ZDHHC13: variants seen among roughly 807,000 people sequenced by gnomAD.
ZDHHC13 encodes the protein zDHHC palmitoyltransferase 13.
In ZDHHC13, 85 loss-of-function variants were observed where a neutral mutation model predicts 86.0. That is an observed-to-expected ratio of 0.99 (90% confidence interval 0.83 to 1.18). ZDHHC13 has a LOEUF of 1.18. Ranked by LOEUF, ZDHHC13 falls within the 50% of genes most tolerant of loss-of-function variation. The pLI is 0.00. For synonymous variants in ZDHHC13, 263 were observed against 246.4 expected (o/e 1.07, Z -0.63); for missense variants, 711 against 730.2 (o/e 0.97, Z 0.30).
intron 2 of ZDHHC13, among the ~76,000 whole-genome samples, chr11:19,143,885 G>A (rs1287644309): frequency 6.6e-6 from 1 of 152,110 alleles, no homozygotes; most frequent in Non-Finnish European, 1.5e-5. Flanking sequence ...ATCCATTTTT[G>A]TAGTAATCAA....
At chr11:19,153,846 CCT>C (rs1001275585) in intron 8 of ZDHHC13, among the ~76,000 whole-genome samples, 3 of 151,900 alleles carry the variant, frequency 2.0e-5, no homozygotes, top group African/African-American at 7.3e-5. Flanking sequence ...CTCCAGCATT[CCT>C]CTGTCTTCGC....
intron 4 of ZDHHC13, chr11:19,148,478 C>A (rs1163806317): frequency 6.6e-6 from 1 of 151,540 alleles, no homozygotes; most frequent in Non-Finnish European, 1.5e-5. Context: ...CACAGTAAAC[C>A]CATAGTTTAT....
intron 1 of ZDHHC13, among the ~76,000 whole-genome samples, chr11:19,137,917 T>G (rs1345954597): frequency 2.0e-5 from 3 of 150,778 alleles, no homozygotes; most frequent in South Asian, 4.3e-4. Flanking sequence ...AAGCAGTGTG[T>G]AGAGGGAAAT....
At chr11:19,168,852 A>G in intron 14 of ZDHHC13, 6 of 985,364 alleles carry the variant, frequency 6.1e-6, no homozygotes, top group Non-Finnish European at 7.2e-6. Flanking sequence ...ATAGTAAGTG[A>G]CTCCAAAAGT....
At chr11:19,143,267 A>G (rs1241755938) in intron 2 of ZDHHC13, 144 bp downstream of exon 2, 7 of 850,336 alleles carry the variant, frequency 8.2e-6, no homozygotes, top group Non-Finnish European at 1.2e-5. Flanking sequence ...TGTCATACCA[A>G]CACCACAGTA....
At chr11:19,141,303 T>C (rs972349438) in intron 1 of ZDHHC13, among the ~76,000 whole-genome samples, 4 of 152,176 alleles carry the variant, frequency 2.6e-5, no homozygotes, top group Non-Finnish European at 1.5e-5. Flanking sequence ...TTTTAAAATG[T>C]ATTTAGAATA....
chr11:19,175,091 T>G (rs1462813858), intron 16 of ZDHHC13, among the ~76,000 whole-genome samples: 1 of 152,014 alleles, frequency 6.6e-6, no homozygotes, highest in African/African-American at 2.4e-5. Flanking sequence ...AGAGAGTTAC[T>G]TATAAGGTTT....
chr11:19,149,814 A>G (rs979430820), intron 5 of ZDHHC13, among the ~76,000 whole-genome samples: 1 of 152,212 alleles, frequency 6.6e-6, no homozygotes, highest in Non-Finnish European at 1.5e-5. Context: ...AGGTTATTGT[A>G]AGTTTCACTG....
At chr11:19,149,976 G>T (rs1239303315) in intron 5 of ZDHHC13, among the ~76,000 whole-genome samples, 1 of 152,202 alleles carries the variant, frequency 6.6e-6, no homozygotes, top group African/African-American at 2.4e-5. Context: ...AGACTTAGCT[G>T]ATTGAAGTAG....
In ZDHHC13 at chr11:19,127,987, G is replaced by A. The variant is rs116081773; in HGVS notation, c.27+10711G>A. On this transcript the variant is annotated intron_variant, in intron 1 of 16. Transcript: ENST00000446113. Reference sequence around the variant, plus strand: ...AATAGTTTTTTCCTAGTTCTGTGAAGAATGTCTTTGGTAATTTGATAGGGA... The same window carrying A: ...AATAGTTTTTTCCTAGTTCTGTGAAAAATGTCTTTGGTAATTTGATAGGGA... Among the ~76,000 whole-genome samples, 547 of 152,262 alleles carry A rather than the reference G, an allele frequency of 3.6e-3. 4 individuals carry two copies. Among genetic ancestry groups the A allele is most frequent in the African/African-American group, 0.012 (512 of 41,548 alleles).
At chr11:19,166,625 A>G in intron 14 of ZDHHC13, 1 of 320,590 alleles carries the variant, frequency 3.1e-6, no homozygotes. Context: ...CAAAAATAGA[A>G]ATTCATTTAA....
chr11:19,131,327 T>C (rs533437918), intron 1 of ZDHHC13, among the ~76,000 whole-genome samples: 2 of 152,322 alleles, frequency 1.3e-5, no homozygotes, highest in Admixed American at 1.3e-4. Flanking sequence ...TTTTTAGTGA[T>C]TTGATTATGA....
At chr11:19,173,069 C>T (rs967211687) in intron 16 of ZDHHC13, among the ~76,000 whole-genome samples, 6 of 152,122 alleles carry the variant, frequency 3.9e-5, no homozygotes, top group Non-Finnish European at 4.4e-5. Context: ...GAAGTTTTGC[C>T]AAGGTGGGGA....
At chr11:19,171,952 G>A (rs2133484291) in intron 15 of ZDHHC13, among the ~76,000 whole-genome samples, 1 of 152,196 alleles carries the variant, frequency 6.6e-6, no homozygotes, top group East Asian at 1.9e-4. Context: ...TAGGAGCATG[G>A]CTTTATTCTC....
intron 1 of ZDHHC13, among the ~76,000 whole-genome samples, chr11:19,125,594 T>A (rs553272035): frequency 6.6e-6 from 1 of 152,322 alleles, no homozygotes; most frequent in South Asian, 2.1e-4. Flanking sequence ...CCAAGCAGTC[T>A]TATTCTTAGA....
intron 1 of ZDHHC13, among the ~76,000 whole-genome samples, chr11:19,119,589 T>C (rs561431576): frequency 6.6e-6 from 1 of 152,352 alleles, no homozygotes; most frequent in African/African-American, 2.4e-5. Context: ...TATTTAAAAT[T>C]GCAAGCCTTT....
chr11:19,140,258 C>T (rs1442586337), intron 1 of ZDHHC13, among the ~76,000 whole-genome samples: 11 of 151,698 alleles, frequency 7.3e-5, no homozygotes, highest in East Asian at 3.9e-4. Flanking sequence ...GGGCAAAGGA[C>T]ATGAACAGAC....
At position 19,142,895 on chromosome 11, in the gene ZDHHC13, G is replaced by T. The variant is rs1310621123; in HGVS notation, c.28-83G>T. The T allele has an allele frequency of 2.9e-6, 4 of 1,377,000 alleles. No homozygotes were observed. The African/African-American group carries it at 4.4e-5, about 15-fold the overall frequency. 85.3% of individuals were successfully genotyped at this position (1,377,000 alleles called of 1,614,324 possible). ...AATGTAATTTATTAATATAGATATT[G>T]TTGATAGTAGCAAATGCTTCATTAT... On this transcript the variant is annotated intron_variant, in intron 1 of 16. Coordinates refer to ENST00000446113, the MANE Select transcript of ZDHHC13 (RefSeq NM_019028.3).
At chr11:19,164,491 A>T in intron 12 of ZDHHC13, 128 bp downstream of exon 12, 1 of 865,092 alleles carries the variant, frequency 1.2e-6, no homozygotes, top group Non-Finnish European at 1.8e-6. Flanking sequence ...CTAATTTTAC[A>T]TTCCTGTCTG....
Sources: allele counts gnomAD v4.1 joint callset (sites outside exome capture counted in the v4.1 genomes callset), GRCh38; gene constraint gnomAD v4.1.1; transcripts MANE v1.5; gene names NCBI Gene and HGNC (gene_info 2026-07-23, HGNC 2026-07-21).